The following LRMDA variants were observed in gnomAD, a reference collection of about 807,000 sequenced individuals.
LRMDA encodes leucine-rich melanocyte differentiation-associated protein.
In LRMDA, 18 loss-of-function variants were observed where a neutral mutation model predicts 29.8. That is an observed-to-expected ratio of 0.60 (90% confidence interval 0.42 to 0.90). The LOEUF is 0.90. LRMDA is among the 40% of genes least tolerant of loss of function. The pLI is 0.00. For missense variants in LRMDA, 273 were observed against 273.9 expected, an observed-to-expected ratio of 1.00 and a Z score of 0.02; for synonymous variants, 125 against 109.4, an observed-to-expected ratio of 1.14 and a Z score of -0.89.
intron 2 of LRMDA, among the ~76,000 whole-genome samples, chr10:75,557,939 T>C (rs948138953): frequency 7.9e-5 from 12 of 152,166 alleles, no homozygotes; most frequent in Non-Finnish European, 1.5e-4. Context: ...CATGAGTGAC[T>C]TTACTAAGTT....
chr10:76,158,232 T>A (rs1850578104), intron 5 of LRMDA, among the ~76,000 whole-genome samples: 1 of 152,142 alleles, frequency 6.6e-6, no homozygotes, highest in African/African-American at 2.4e-5. Context: ...ACAGACCATT[T>A]AACCTGCATT....
At chr10:75,699,459 G>A (rs1842278814) in intron 2 of LRMDA, among the ~76,000 whole-genome samples, 1 of 152,164 alleles carries the variant, frequency 6.6e-6, no homozygotes, top group South Asian at 2.1e-4. Flanking sequence ...TTTGGAAAAT[G>A]AATTTTCTAG....
At chr10:76,209,872 G>C (rs1851605116) in intron 5 of LRMDA, among the ~76,000 whole-genome samples, 1 of 152,288 alleles carries the variant, frequency 6.6e-6, no homozygotes, top group African/African-American at 2.4e-5. Context: ...GTAGGAGCCA[G>C]GGAATATTTT....
At chr10:76,233,640 T>G (rs1275475596) in intron 5 of LRMDA, among the ~76,000 whole-genome samples, 2 of 152,328 alleles carry the variant, frequency 1.3e-5, no homozygotes, top group East Asian at 3.9e-4. Context: ...TTAGTAATAT[T>G]CTAAATCCTT....
chr10:76,430,517 CA>C (rs1206232466), intron 6 of LRMDA, among the ~76,000 whole-genome samples: 1 of 152,116 alleles, frequency 6.6e-6, no homozygotes, highest in Admixed American at 6.6e-5. Flanking sequence ...CAAAATTAGC[CA>C]CTGCATCCTC....
chr10:75,803,809 C>T (rs1347158681), intron 2 of LRMDA, among the ~76,000 whole-genome samples: 1 of 152,124 alleles, frequency 6.6e-6, no homozygotes, highest in Non-Finnish European at 1.5e-5. Context: ...GTACATTTGG[C>T]TCAGATACCC....
At chr10:76,118,733 A>G (rs1849709373) in intron 5 of LRMDA, among the ~76,000 whole-genome samples, 1 of 151,398 alleles carries the variant, frequency 6.6e-6, no homozygotes, top group East Asian at 1.9e-4. Flanking sequence ...CATCACAATC[A>G]TATCTTTTTT....
chr10:75,880,838 G>A (rs558864386), intron 2 of LRMDA, among the ~76,000 whole-genome samples: 1 of 152,320 alleles, frequency 6.6e-6, no homozygotes, highest in South Asian at 2.1e-4. Context: ...AGTGGAGCCT[G>A]TACTTGGTGT....
At chr10:75,821,372 A>G (rs1456266892) in intron 2 of LRMDA, among the ~76,000 whole-genome samples, 1 of 152,246 alleles carries the variant, frequency 6.6e-6, no homozygotes, top group Non-Finnish European at 1.5e-5. Context: ...ACACAAATCA[A>G]TCATTGTGAT....
chr10:75,567,663 G>C (rs1415237404), intron 2 of LRMDA, among the ~76,000 whole-genome samples: 1 of 152,174 alleles, frequency 6.6e-6, no homozygotes, highest in Non-Finnish European at 1.5e-5. Context: ...TTTTGTGCCT[G>C]ATTCTTGGCA....
intron 2 of LRMDA, among the ~76,000 whole-genome samples, chr10:75,752,581 A>G (rs1301535586): frequency 6.6e-6 from 1 of 152,208 alleles, no homozygotes; most frequent in Non-Finnish European, 1.5e-5. Context: ...ATACTTTGGT[A>G]TGGTGACATC....
chr10:75,864,624 C>T (rs1844989431), intron 2 of LRMDA, among the ~76,000 whole-genome samples: 1 of 152,218 alleles, frequency 6.6e-6, no homozygotes, highest in Non-Finnish European at 1.5e-5. Flanking sequence ...ATGGAAGCTA[C>T]ACTTTCTGCT....
intron 5 of LRMDA, among the ~76,000 whole-genome samples, chr10:76,094,419 A>C (rs943995129): frequency 6.6e-6 from 1 of 152,202 alleles, no homozygotes; most frequent in Admixed American, 6.5e-5. Context: ...ATTATATTTT[A>C]CTTGTTTCTT....
intron 6 of LRMDA, among the ~76,000 whole-genome samples, chr10:76,357,334 A>G (rs908656769): frequency 3.3e-5 from 5 of 152,150 alleles, no homozygotes; most frequent in Non-Finnish European, 7.3e-5. Flanking sequence ...TAAAGATGAG[A>G]AAGTATTACA....
Position 75,740,104 on chromosome 10 carries a change from T to C in LRMDA, c.132-295904T>C, listed in dbSNP as rs571913953. ...ATTTAAGAGGCTCTATAAAAACGTTTATGTACAGCCATACATAATGCATAC... is the reference window on the plus strand; with the variant it reads ...ATTTAAGAGGCTCTATAAAAACGTTCATGTACAGCCATACATAATGCATAC... On this transcript the variant is annotated intron_variant, in intron 2 of 6. Transcript: ENST00000611255. Among the ~76,000 whole-genome samples the C allele has an allele frequency of 2.6e-5, 4 of 152,356 alleles. No homozygotes were observed. The South Asian group carries it at 8.3e-4, about 32-fold the overall frequency.
chr10:75,903,882 T>A (rs146035236), intron 2 of LRMDA, among the ~76,000 whole-genome samples: 15 of 152,376 alleles, frequency 9.8e-5, no homozygotes, highest in Non-Finnish European at 2.2e-4. Context: ...TCTTCAGGGA[T>A]GTTGCTTAAA....
At chr10:76,125,619 T>C (rs904355174) in intron 5 of LRMDA, among the ~76,000 whole-genome samples, 2 of 151,946 alleles carry the variant, frequency 1.3e-5, no homozygotes, top group African/African-American at 2.4e-5. Context: ...ACAGTGAAGG[T>C]AGGGGGAGAG....
chr10:75,953,104 G>A (rs1279755320), intron 2 of LRMDA, among the ~76,000 whole-genome samples: 5 of 151,896 alleles, frequency 3.3e-5, no homozygotes, highest in Non-Finnish European at 5.9e-5. Flanking sequence ...ACAGGGTCTC[G>A]TTCTGTTGTT....
chr10:76,310,287 A>T (rs1410864259), intron 5 of LRMDA, among the ~76,000 whole-genome samples: 1 of 152,242 alleles, frequency 6.6e-6, no homozygotes, highest in Non-Finnish European at 1.5e-5. Flanking sequence ...CTCCAGGCAC[A>T]TCAATTACAC....
Sources: allele counts gnomAD v4.1 joint callset (sites outside exome capture counted in the v4.1 genomes callset), GRCh38; gene constraint gnomAD v4.1.1; transcripts MANE v1.5; gene names NCBI Gene and HGNC (gene_info 2026-07-23, HGNC 2026-07-21).